Variants in PTPRD observed in about 807,000 individuals in gnomAD.
The protein encoded by PTPRD is receptor-type tyrosine-protein phosphatase delta.
In PTPRD, 34 loss-of-function variants were observed where a neutral mutation model predicts 214.5. That is an observed-to-expected ratio of 0.16 (90% CI 0.12 to 0.21). PTPRD has a LOEUF of 0.21. Among genes scored for constraint, PTPRD ranks in the 10% least tolerant of loss-of-function variants. The pLI is 1.00. For missense variants in PTPRD, 2,545 were observed against 2,398.7 expected, an observed-to-expected ratio of 1.06 and a Z score of -1.27; for synonymous variants, 1,128 against 845.7, an observed-to-expected ratio of 1.33 and a Z score of -5.79.
intron 11 of PTPRD, among the ~76,000 whole-genome samples, chr9:8,933,307 C>T (rs2098966029): frequency 7.3e-6 from 1 of 137,306 alleles, no homozygotes; most frequent in Non-Finnish European, 1.5e-5. Context: ...AGAGCTGTTC[C>T]TATTTGGCCA....
At chr9:10,343,227 G>A (rs2096979226) in intron 2 of PTPRD, among the ~76,000 whole-genome samples, 1 of 151,988 alleles carries the variant, frequency 6.6e-6, no homozygotes, top group South Asian at 2.1e-4. Context: ...AACGTGCGAT[G>A]TTTGGTTTTC....
At chr9:8,840,153 A>G (rs1391743781) in intron 11 of PTPRD, among the ~76,000 whole-genome samples, 1 of 152,216 alleles carries the variant, frequency 6.6e-6, no homozygotes, top group Non-Finnish European at 1.5e-5. Context: ...TTAGAGCAGT[A>G]CACATTAGTA....
chr9:9,206,518 C>T (rs1044626842), intron 9 of PTPRD, among the ~76,000 whole-genome samples: 1 of 151,982 alleles, frequency 6.6e-6, no homozygotes, highest in Admixed American at 6.6e-5. Context: ...AGGTTGTTGC[C>T]AAAAGAGATT....
intron 11 of PTPRD, among the ~76,000 whole-genome samples, chr9:8,801,492 G>A (rs145915330): frequency 1.3e-5 from 2 of 152,228 alleles, no homozygotes; most frequent in African/African-American, 2.4e-5. Context: ...TGAGGCGGGC[G>A]GACCACCTGA....
rs1181267847 is a variant in PTPRD, at chr9:9,870,215, G to A, written c.-368+68292C>T. Reference sequence around the variant, plus strand: ...CTTATACAATAATTTCTATTTTGAAGTATGTTTGAAAATTCCCGAATAAAA... The same window carrying A: ...CTTATACAATAATTTCTATTTTGAAATATGTTTGAAAATTCCCGAATAAAA... On this transcript the variant is annotated intron_variant, in intron 5 of 45. Transcript: ENST00000381196. Among the ~76,000 whole-genome samples the A allele has an allele frequency of 3.9e-5, 6 of 152,066 alleles. No homozygotes were observed. In the East Asian group the frequency reaches 1.2e-3, roughly 29 times the overall value.
chr9:10,517,978 G>A (rs1336726394), intron 2 of PTPRD, among the ~76,000 whole-genome samples: 2 of 151,956 alleles, frequency 1.3e-5, no homozygotes, highest in African/African-American at 4.8e-5. Context: ...ATACGAATTG[G>A]AATATATTGA....
intron 12 of PTPRD, among the ~76,000 whole-genome samples, chr9:8,727,373 G>C (rs144565272): frequency 6.6e-6 from 1 of 152,314 alleles, no homozygotes; most frequent in African/African-American, 2.4e-5. Context: ...GAGGCTAAAG[G>C]ATCAGTAAAA....
At chr9:8,572,853 T>G (rs1053044266) in intron 14 of PTPRD, among the ~76,000 whole-genome samples, 2 of 152,200 alleles carry the variant, frequency 1.3e-5, no homozygotes, top group Admixed American at 1.3e-4. Flanking sequence ...TTGGTTTGCA[T>G]GATTCTATTT....
At chr9:8,846,559 G>A (rs1233454923) in intron 11 of PTPRD, among the ~76,000 whole-genome samples, 3 of 152,192 alleles carry the variant, frequency 2.0e-5, no homozygotes, top group Non-Finnish European at 4.4e-5. Context: ...AGGAAGAGTT[G>A]TCAGCTAAGC....
intron 9 of PTPRD, among the ~76,000 whole-genome samples, chr9:9,210,901 CA>C (rs1365056141): frequency 1.3e-5 from 2 of 151,096 alleles, no homozygotes; most frequent in Admixed American, 1.3e-4. Flanking sequence ...TTTTAAAAAT[CA>C]TTTCTTATAG....
intron 11 of PTPRD, among the ~76,000 whole-genome samples, chr9:8,734,663 G>A (rs747301225): frequency 6.6e-6 from 1 of 152,230 alleles, no homozygotes; most frequent in Non-Finnish European, 1.5e-5. Context: ...AGCACCTACT[G>A]TGTGCAAGGC....
chr9:10,161,782 C>T (rs778316425), intron 3 of PTPRD, among the ~76,000 whole-genome samples: 1 of 151,554 alleles, frequency 6.6e-6, no homozygotes, highest in Non-Finnish European at 1.5e-5. Context: ...AAAATGTTTC[C>T]AAACTATCCA....
At chr9:9,034,166 C>A (rs1238360274) in intron 10 of PTPRD, among the ~76,000 whole-genome samples, 1 of 152,118 alleles carries the variant, frequency 6.6e-6, no homozygotes, top group African/African-American at 2.4e-5. Context: ...CCAGATTTGG[C>A]AGGACTAACA....
In PTPRD at chr9:8,611,546, A is replaced by C. The variant is rs190586991; in HGVS notation, c.352+21771T>G. ...ATGACAAAACCCTGTCTCTACAAAA[A>C]ATACAAAAATTAGCAGGGCATGGTG... On this transcript the variant is annotated intron_variant, in intron 14 of 45. Transcript: ENST00000381196. Among the ~76,000 whole-genome samples, 10 of 152,070 alleles carry C rather than the reference A, an allele frequency of 6.6e-5. No individual in the cohort carries two copies. The East Asian group carries it at 1.2e-3, about 18-fold the overall frequency.
chr9:10,053,425 G>A (rs928105456), intron 3 of PTPRD, among the ~76,000 whole-genome samples: 1 of 152,100 alleles, frequency 6.6e-6, no homozygotes, highest in African/African-American at 2.4e-5. Context: ...GAGGCATTTG[G>A]TCAGGAGTTT....
At chr9:9,180,254 A>C (rs1418042639) in intron 10 of PTPRD, among the ~76,000 whole-genome samples, 1 of 151,982 alleles carries the variant, frequency 6.6e-6, no homozygotes, top group Non-Finnish European at 1.5e-5. Context: ...ACACCATGGA[A>C]TACTATGCAG....
chr9:8,793,859 C>T (rs2096317321), intron 11 of PTPRD, among the ~76,000 whole-genome samples: 1 of 152,028 alleles, frequency 6.6e-6, no homozygotes, highest in Non-Finnish European at 1.5e-5. Context: ...ATTTATAAAT[C>T]CATAACCACC....
intron 5 of PTPRD, among the ~76,000 whole-genome samples, chr9:9,795,997 A>T (rs2098999932): frequency 6.6e-6 from 1 of 152,300 alleles, no homozygotes; most frequent in African/African-American, 2.4e-5. Flanking sequence ...AAAAAAGAAA[A>T]TATATAGAAT....
At chr9:8,364,245 T>A (rs2079207903) in intron 39 of PTPRD, among the ~76,000 whole-genome samples, 1 of 152,222 alleles carries the variant, frequency 6.6e-6, no homozygotes, top group African/African-American at 2.4e-5. Context: ...AAGAAGGTCA[T>A]TTACATTACG....
Sources: allele counts gnomAD v4.1 joint callset (sites outside exome capture counted in the v4.1 genomes callset), GRCh38; gene constraint gnomAD v4.1.1; transcripts MANE v1.5; gene names NCBI Gene and HGNC (gene_info 2026-07-23, HGNC 2026-07-21).